Variants in DENND5B observed in about 807,000 individuals in gnomAD.
The protein encoded by DENND5B is DENN domain-containing protein 5B.
In DENND5B, 34 loss-of-function variants were observed where a neutral mutation model predicts 140.6. The ratio of observed to expected loss-of-function variants is 0.24; its 90% CI spans 0.18 to 0.32. The LOEUF is 0.32. DENND5B is among the 10% of genes least tolerant of loss of function. The probability of loss-of-function intolerance (pLI) is 1.00; values close to 1 mark genes in which losing one functional copy is unlikely to be tolerated. For missense variants in DENND5B, 1,142 were observed against 1,560.2 expected (o/e 0.73, Z 4.52); for synonymous variants, 551 against 562.1 (o/e 0.98, Z 0.28).
At chr12:31,587,377 T>C (rs1315855941) in intron 1 of DENND5B, among the ~76,000 whole-genome samples, 2 of 152,122 alleles carry the variant, frequency 1.3e-5, no homozygotes, top group Non-Finnish European at 2.9e-5. Flanking sequence ...TTTGATCACT[T>C]CTTTGAATAT....
At chr12:31,470,945 G>C (rs907409819) in intron 3 of DENND5B, among the ~76,000 whole-genome samples, 11 of 152,210 alleles carry the variant, frequency 7.2e-5, no homozygotes, top group Admixed American at 6.5e-5. Context: ...GAAGGTAAAA[G>C]TAACTAATGG....
At chr12:31,461,063 C>T (rs1172243840) in intron 3 of DENND5B, among the ~76,000 whole-genome samples, 1 of 151,816 alleles carries the variant, frequency 6.6e-6, no homozygotes, top group African/African-American at 2.4e-5. Flanking sequence ...TACATGAATG[C>T]TTACACAATT....
At chr12:31,447,290 A>T (rs1244470071) in intron 6 of DENND5B, among the ~76,000 whole-genome samples, 1 of 152,018 alleles carries the variant, frequency 6.6e-6, no homozygotes, top group Non-Finnish European at 1.5e-5. Flanking sequence ...ACAAAAACAA[A>T]AATCATAGCA....
chr12:31,487,509 T>C (rs1489409795), intron 2 of DENND5B, among the ~76,000 whole-genome samples: 2 of 152,116 alleles, frequency 1.3e-5, no homozygotes, highest in Non-Finnish European at 2.9e-5. Flanking sequence ...ACCACCAGCC[T>C]GGGCAACATG....
chr12:31,523,410 T>TCTC (rs1947973798), intron 1 of DENND5B, among the ~76,000 whole-genome samples: 1 of 152,210 alleles, frequency 6.6e-6, no homozygotes, highest in Admixed American at 6.5e-5. Context: ...GAGACAAGAC[T>TCTC]GAGATTGTTT....
chr12:31,531,222 C>T (rs183599063), intron 1 of DENND5B, among the ~76,000 whole-genome samples: 9 of 151,248 alleles, frequency 6.0e-5, no homozygotes, highest in East Asian at 3.9e-4. Flanking sequence ...TACTTTGAGA[C>T]GGAGTCTCGC....
At chr12:31,489,580 T>C (rs1946444559) in intron 2 of DENND5B, among the ~76,000 whole-genome samples, 1 of 152,208 alleles carries the variant, frequency 6.6e-6, no homozygotes, top group Non-Finnish European at 1.5e-5. Context: ...TGTAAGCAAG[T>C]ATCACTTCAT....
chr12:31,406,157 T>A (rs986827419), intron 14 of DENND5B, among the ~76,000 whole-genome samples: 1 of 152,038 alleles, frequency 6.6e-6, no homozygotes, highest in African/African-American at 2.4e-5. Flanking sequence ...TTTTTTTTTT[T>A]AAGTAGGGTA....
At chr12:31,406,495 A>G (rs920588625) in intron 14 of DENND5B, among the ~76,000 whole-genome samples, 1 of 152,160 alleles carries the variant, frequency 6.6e-6, no homozygotes, top group Admixed American at 6.6e-5. Flanking sequence ...AATCATCAGA[A>G]TCAAATGGGT....
chr12:31,419,291 A>G (rs1365833912), intron 11 of DENND5B, among the ~76,000 whole-genome samples: 1 of 152,236 alleles, frequency 6.6e-6, no homozygotes, highest in Non-Finnish European at 1.5e-5. Context: ...CCTGAATCAA[A>G]CTACAAAAAT....
chr12:31,427,748 T>G (rs143608985), intron 8 of DENND5B, among the ~76,000 whole-genome samples: 3 of 152,278 alleles, frequency 2.0e-5, no homozygotes, highest in Non-Finnish European at 4.4e-5. Context: ...GTTTATTGGC[T>G]GGTAGTGGGG....
At chr12:31,395,302 G>A (rs903060792) in intron 17 of DENND5B, among the ~76,000 whole-genome samples, 8 of 152,156 alleles carry the variant, frequency 5.3e-5, no homozygotes, top group African/African-American at 1.4e-4. Flanking sequence ...TGCTATAAGT[G>A]CTTTAAATTG....
chr12:31,438,737 C>A (rs1031974866), intron 7 of DENND5B, among the ~76,000 whole-genome samples: 21 of 148,696 alleles, frequency 1.4e-4, no homozygotes, highest in African/African-American at 4.7e-4. Flanking sequence ...TGAAAACAGC[C>A]CTGTAGCAAA....
chr12:31,480,357 GT>G, intron 2 of DENND5B, 102 bp from the exon 3 acceptor site: 1 of 1,136,838 alleles, frequency 8.8e-7, no homozygotes, highest in Non-Finnish European at 1.2e-6. Flanking sequence ...AAAAAGACAG[GT>G]TTTATCCAGA....
intron 1 of DENND5B, among the ~76,000 whole-genome samples, chr12:31,510,445 A>G (rs2138906886): frequency 6.6e-6 from 1 of 152,274 alleles, no homozygotes; most frequent in East Asian, 1.9e-4. Flanking sequence ...CCTCCCGGGT[A>G]GCTAGGACCA....
intron 3 of DENND5B, among the ~76,000 whole-genome samples, chr12:31,472,024 C>T (rs964208734): frequency 2.0e-5 from 3 of 152,084 alleles, no homozygotes; most frequent in African/African-American, 4.8e-5. Context: ...TTATGATAAT[C>T]GGGATATTCA....
chr12:31,461,526 A>C (rs1031111309), intron 3 of DENND5B, among the ~76,000 whole-genome samples: 1 of 152,072 alleles, frequency 6.6e-6, no homozygotes, highest in Non-Finnish European at 1.5e-5. Flanking sequence ...GATATGCTTT[A>C]GAATTCAGAT....
intron 15 of DENND5B, among the ~76,000 whole-genome samples, chr12:31,401,056 T>C (rs1941771477): frequency 6.6e-6 from 1 of 152,066 alleles, no homozygotes; most frequent in East Asian, 1.9e-4. Flanking sequence ...TTGGTCAGGC[T>C]GGCCTCAGAC....
At chr12:31,550,310 T>C (rs555858511) in intron 1 of DENND5B, among the ~76,000 whole-genome samples, 3 of 147,298 alleles carry the variant, frequency 2.0e-5, no homozygotes, top group Non-Finnish European at 3.0e-5. Context: ...TGAGAACATG[T>C]GGTGTTTGGT....
Sources: gnomAD v4.1 joint callset for allele counts (sites outside exome capture counted in the v4.1 genomes callset) on GRCh38, gnomAD v4.1.1 for gene constraint, MANE v1.5 for transcripts, NCBI Gene and HGNC (gene_info 2026-07-23, HGNC 2026-07-21) for gene names.